The following FCSK variants were observed in gnomAD, a reference collection of about 807,000 sequenced individuals.
The protein encoded by FCSK is fucose kinase, also known as L-fucose kinase.
A neutral mutation model predicts 122.5 loss-of-function variants in FCSK; 123 were observed. The observed-to-expected ratio is 1.00, with a 90% CI of 0.87 to 1.17. The LOEUF (loss-of-function observed/expected upper bound fraction) is 1.17. Among genes scored for constraint, FCSK ranks in the 50% most tolerant of loss-of-function variants. The probability of loss-of-function intolerance (pLI) is 0.00; values close to 1 mark genes in which losing one functional copy is unlikely to be tolerated. For synonymous variants in FCSK, 620 were observed against 625.5 expected, an observed-to-expected ratio of 0.99 and a Z score of 0.13; for missense variants, 1,366 against 1,450.4, an observed-to-expected ratio of 0.94 and a Z score of 0.95.
In FCSK at chr16:70,473,404, C is replaced by T. The variant is rs1220360176; in HGVS notation, c.1777+51C>T. 3 of 1,450,470 alleles carry T rather than the reference C, an allele frequency of 2.1e-6. No homozygotes were observed. Among genetic ancestry groups the T allele is most frequent in the African/African-American group, 1.4e-5 (1 of 69,980 alleles). 89.8% of individuals were successfully genotyped at this position (1,450,470 alleles called of 1,614,324 possible). A position where few individuals can be genotyped will look rare whatever the true frequency, so the allele number is the denominator to read the frequency against. On this transcript the variant is annotated intron_variant, in intron 15 of 23. Transcript: ENST00000288078. This position sits in a 1 kb window ranked among gnomAD's most constrained non-coding sequence, Gnocchi z 4.9. Reference sequence around the variant, plus strand: ...CAGAATCAGGCCAGGGGCACCTGCCCTCCCTGTCCTCTGGGCCATCCCCTG... The same window carrying T: ...CAGAATCAGGCCAGGGGCACCTGCCTTCCCTGTCCTCTGGGCCATCCCCTG...
chr16:70,459,886 C>CTAG (rs1273074266), intron 1 of FCSK, among the ~76,000 whole-genome samples: 3 of 150,538 alleles, frequency 2.0e-5, no homozygotes, highest in African/African-American at 7.3e-5. Flanking sequence ...ACTGCAATCT[C>CTAG]TGTCTCCCAG....
chr16:70,465,672 G>A (rs919674190), intron 4 of FCSK, among the ~76,000 whole-genome samples: 17 of 152,114 alleles, frequency 1.1e-4, no homozygotes, highest in African/African-American at 3.9e-4. Context: ...TAGGCTGGGC[G>A]CAGTGGCTCA....
In FCSK at chr16:70,466,127, T is replaced by G; in HGVS notation, c.286-5T>G. ...AGGCTTCCTCACCAGTCCCCCGACT[T>G]CCAGGGTCGAGACTTCCCCTTTGAT... On this transcript the variant is annotated splice_polypyrimidine_tract_variant and splice_region_variant and intron_variant, in intron 4 of 23. Transcript: ENST00000288078. The G allele has an allele frequency of 6.2e-7, 1 of 1,613,372 alleles. No homozygotes were observed. The highest frequency in any genetic ancestry group is 1.3e-5 in the African/African-American group (1 of 75,020).
At position 70,463,729 on chromosome 16, in the gene FCSK, C is replaced by T; in HGVS notation, c.189C>T (p.Ala63=). 6.2e-7 allele frequency: 1 copy of T among 1,612,512 alleles called. No homozygotes were observed. The highest frequency in any genetic ancestry group is 2.2e-5 in the East Asian group (1 of 44,870). Residue 63 remains alanine, a synonymous_variant, in exon 3 of 24, where the codon GCC becomes GCT. Transcript: ENST00000288078. ...GCAGCGGAGGAGCCACCCTCAACGC[C>T]CTGCTGGTGGCTGCTGAACACCTGA... ...RVGSGGATLN[A]LLVAAEHLSA...
chr16:70,463,320 C>T, intron 2 of FCSK, 48 bp downstream of exon 2: 1 of 1,510,754 alleles, frequency 6.6e-7, no homozygotes, highest in Non-Finnish European at 9.2e-7. Context: ...AACCTCCCTC[C>T]CCTTCCTGGC....
intron 13 of FCSK, among the ~76,000 whole-genome samples, chr16:70,471,972 A>T (rs923898195): frequency 2.0e-5 from 3 of 151,774 alleles, no homozygotes; most frequent in East Asian, 1.9e-4. Flanking sequence ...CGCCTGGCAA[A>T]TTTTTTTGTA....
At chr16:70,479,468 A>G (rs1438159532) in intron 23 of FCSK, 65 bp downstream of exon 23, 1 of 1,510,412 alleles carries the variant, frequency 6.6e-7, no homozygotes, top group Non-Finnish European at 9.1e-7. Flanking sequence ...GTGGCCCACC[A>G]GTTAACCAGG....
At position 70,470,297 on chromosome 16, in the gene FCSK, T is replaced by C; in HGVS notation, c.956-17T>C. 2 of 1,582,880 alleles carry C rather than the reference T, an allele frequency of 1.3e-6. No homozygotes were observed. Among genetic ancestry groups the C allele is most frequent in the Non-Finnish European group, 1.7e-6 (2 of 1,153,648 alleles). ...GCAGCAGGCATGGGGTTGGGTTCAG[T>C]ACTTATGTCTTTACAGCCTATGTCT... is the stretch of plus-strand genomic sequence containing the variant. On this transcript the variant is annotated splice_polypyrimidine_tract_variant and intron_variant, in intron 10 of 23. Coordinates refer to ENST00000288078, the MANE Select transcript of FCSK (RefSeq NM_145059.3).
Position 70,470,397 on chromosome 16 carries a change from G to A in FCSK, c.1039G>A (p.Gly347Arg). 1.9e-6 allele frequency: 3 copies of A among 1,612,734 alleles called. No individual in the cohort carries two copies. Among genetic ancestry groups the A allele is most frequent in the Non-Finnish European group, 2.5e-6 (3 of 1,179,390 alleles). ...CAGCCTCACACTCCCCGGGGCTCCT[G>A]GGGCCCAGATTGTGCACTCCCAGGT... Reference protein sequence around the residue: ...LLSLTLPGAPGAQIVHSQVEE... With the variant: ...LLSLTLPGAPRAQIVHSQVEE... The change falls in exon 11 of 24, where the codon GGG becomes AGG. Residue 347 changes from glycine (G) to arginine (R), a missense_variant. Coordinates refer to ENST00000288078, the MANE Select transcript of FCSK (RefSeq NM_145059.3).
Position 70,479,565 on chromosome 16 carries a change from C to CCTGT in FCSK, c.3154-11_3154-8dup. 6.2e-7 allele frequency: 1 copy of CCTGT among 1,610,164 alleles called. No homozygotes were observed. Among genetic ancestry groups the CCTGT allele is most frequent in the Non-Finnish European group, 8.5e-7 (1 of 1,177,110 alleles). Reference sequence around the variant, plus strand: ...TTTGTCCAGAGCCTTCTAAATACTTCCTGTCTTGTCCAGGGCCTTGGGAAT... The same window carrying CCTGT: ...TTTGTCCAGAGCCTTCTAAATACTTCCTGTCTGTCTTGTCCAGGGCCTTGGGAAT... On this transcript the variant is annotated splice_polypyrimidine_tract_variant and intron_variant, in intron 23 of 23. Coordinates refer to ENST00000288078, the MANE Select transcript of FCSK (RefSeq NM_145059.3).
Position 70,473,367 on chromosome 16 carries a change from C to G in FCSK, c.1777+14C>G, listed in dbSNP as rs1045603101. Reference sequence around the variant, plus strand: ...CGCTGGACCAGGGTGAGTGTGCAGGCTGGTAGTGCTGCAGAATCAGGCCAG... The same window carrying G: ...CGCTGGACCAGGGTGAGTGTGCAGGGTGGTAGTGCTGCAGAATCAGGCCAG... On this transcript the variant is annotated intron_variant, in intron 15 of 23. Transcript: ENST00000288078. This position sits in a 1 kb window ranked among gnomAD's most constrained non-coding sequence, Gnocchi z 4.9. 1.1e-4 allele frequency: 165 copies of G among 1,476,444 alleles called. No homozygotes were observed. The highest frequency in any genetic ancestry group is 1.4e-4 in the Non-Finnish European group (157 of 1,108,440). 91.5% of individuals were successfully genotyped at this position (1,476,444 alleles called of 1,614,324 possible).
chr16:70,458,094 A>G (rs1443807983), intron 1 of FCSK: 2 of 151,092 alleles, frequency 1.3e-5, no homozygotes, highest in Non-Finnish European at 2.9e-5. Flanking sequence ...AAAAAATCAC[A>G]GCACCTTAAC....
At chr16:70,467,585 A>G in intron 7 of FCSK, 114 bp downstream of exon 7, 2 of 849,864 alleles carry the variant, frequency 2.4e-6, no homozygotes, top group Non-Finnish European at 3.7e-6. Flanking sequence ...CATGTTCCTG[A>G]ATCCAAGGAG....
At chr16:70,478,226 A>G (rs1413903650) in intron 20 of FCSK, 46 bp from the exon 21 acceptor site, 4 of 1,596,450 alleles carry the variant, frequency 2.5e-6, no homozygotes, top group Non-Finnish European at 3.4e-6. Context: ...GGGAGAGTGA[A>G]GCTGGGCCAG....
At chr16:70,472,367 A>G in intron 13 of FCSK, 174 bp from the exon 14 acceptor site, 1 of 508,788 alleles carries the variant, frequency 2.0e-6, no homozygotes, top group South Asian at 2.9e-5. Flanking sequence ...AGGAGTTCAT[A>G]CCTGCAGTGA....
chr16:70,469,312 C>A lies in FCSK; in HGVS notation c.944C>A (p.Pro315His), dbSNP rs2048534621. Residue 315 changes from proline (P) to histidine (H), a missense_variant, in exon 10 of 24, where the codon CCC becomes CAC. By Grantham distance (77) the Pro-to-His change is moderately conservative (BLOSUM62 -2). Coordinates refer to ENST00000288078, the MANE Select transcript of FCSK (RefSeq NM_145059.3). ...AQLWRELRDQ[P>H]LTMAYVSSGS... ...CTGTGGAGGGAGCTTCGCGATCAGCCCCTTACCATGGGTGGGTACTGCCTC... is the reference window on the plus strand; with the variant it reads ...CTGTGGAGGGAGCTTCGCGATCAGCACCTTACCATGGGTGGGTACTGCCTC... 1 of 1,598,896 alleles carries A rather than the reference C, an allele frequency of 6.3e-7. No homozygotes were observed.
At chr16:70,463,813 C>G (rs1246956532) in intron 3 of FCSK, 39 bp downstream of exon 3, 1 of 1,562,206 alleles carries the variant, frequency 6.4e-7, no homozygotes, top group Non-Finnish European at 8.7e-7. Context: ...GTCTGTGTCC[C>G]TGCTGGAACC....
At chr16:70,467,595 G>GGAAACTCCTTGGA in intron 7 of FCSK, 124 bp downstream of exon 7, 1 of 782,096 alleles carries the variant, frequency 1.3e-6, no homozygotes, top group Non-Finnish European at 2.1e-6. Context: ...AATCCAAGGA[G>GGAAACTCCTTGGA]TTTCCTCCGT....
intron 1 of FCSK, among the ~76,000 whole-genome samples, chr16:70,462,617 T>C (rs2048300649): frequency 6.7e-6 from 1 of 149,734 alleles, no homozygotes; most frequent in African/African-American, 2.5e-5. Context: ...TAAGCTACTA[T>C]ACCTGGCCTG....
Sources: gnomAD v4.1 joint callset for allele counts (sites outside exome capture counted in the v4.1 genomes callset) on GRCh38, gnomAD v4.1.1 for gene constraint, Gnocchi (gnomAD v3.1) non-coding constraint, MANE v1.5 for transcripts, NCBI Gene and HGNC (gene_info 2026-07-23, HGNC 2026-07-21) for gene names.